Variants in NAV2 observed in about 807,000 individuals in gnomAD.
NAV2 encodes neuron navigator 2.
A neutral mutation model predicts 223.2 loss-of-function variants in NAV2; 54 were observed. The ratio of observed to expected loss-of-function variants is 0.24; its 90% CI spans 0.19 to 0.30. NAV2 has a LOEUF of 0.30. Among genes scored for constraint, NAV2 ranks in the 10% least tolerant of loss-of-function variants. The pLI, the probability that NAV2 is intolerant of heterozygous loss-of-function variation, is 1.00. For missense variants in NAV2, 2,806 were observed against 3,147.5 expected (o/e 0.89, Z 2.60); for synonymous variants, 1,279 against 1,239.3 (o/e 1.03, Z -0.67).
At chr11:19,510,653 T>TCATTGCA (rs1377036188) in intron 1 of NAV2, among the ~76,000 whole-genome samples, 3 of 152,216 alleles carry the variant, frequency 2.0e-5, no homozygotes, top group African/African-American at 7.2e-5. Flanking sequence ...CCGAAGTCCG[T>TCATTGCA]TGGTCATTGC....
intron 6 of NAV2, among the ~76,000 whole-genome samples, chr11:19,921,109 G>A (rs1268599578): frequency 6.6e-6 from 1 of 152,152 alleles, no homozygotes; most frequent in Non-Finnish European, 1.5e-5. Context: ...AGGTGAAAAG[G>A]CCCAGAAATC....
chr11:19,842,787 T>G, intron 2 of NAV2, 84 bp from the exon 3 acceptor site: 1 of 1,281,810 alleles, frequency 7.8e-7, no homozygotes, highest in South Asian at 1.2e-5. Context: ...GCCTTAGGAC[T>G]TGGTTGCCTC....
At position 20,049,099 on chromosome 11, in the gene NAV2, G is replaced by T. The variant is rs1297181679; in HGVS notation, c.4274G>T (p.Ser1425Ile). Reference protein sequence around the residue: ...DISLSSGGVPSHNSSTGLIAS... With the variant: ...DISLSSGGVPIHNSSTGLIAS... ...TCCCTCAGCAGTGGAGGGGTCCCCA[G>T]CCACAATTCTTCCACTGGCCTCATC... is the stretch of plus-strand genomic sequence containing the variant. The change falls in exon 15 of 38, where the codon AGC (serine) becomes ATC (isoleucine). Residue 1425 changes from serine to isoleucine, a missense_variant. Transcript: ENST00000349880. The T allele has an allele frequency of 3.7e-6, 6 of 1,614,016 alleles. 1 individual carries two copies. In the South Asian group the frequency reaches 4.4e-5, roughly 12 times the overall value.
At chr11:20,041,007 A>G (rs2056868191) in intron 12 of NAV2, among the ~76,000 whole-genome samples, 1 of 152,170 alleles carries the variant, frequency 6.6e-6, no homozygotes, top group Non-Finnish European at 1.5e-5. Flanking sequence ...AGAGAAAGTC[A>G]AGCCACATTC....
chr11:19,882,591 C>G (rs1338114712), intron 5 of NAV2, among the ~76,000 whole-genome samples: 1 of 152,170 alleles, frequency 6.6e-6, no homozygotes, highest in Non-Finnish European at 1.5e-5. Context: ...GCTTTGCTAA[C>G]CTGAGGCATC....
At chr11:19,658,041 T>A (rs551493313) in intron 1 of NAV2, among the ~76,000 whole-genome samples, 21 of 152,352 alleles carry the variant, frequency 1.4e-4, no homozygotes, top group African/African-American at 5.1e-4. Flanking sequence ...CACTGTTCTC[T>A]GGACTTTTGT....
chr11:19,618,344 TGATGGATTGCTGGATGGATGGATGGATG>T lies in NAV2; in HGVS notation c.76-214132_76-214105del, dbSNP rs1250883485. Among the ~76,000 whole-genome samples the T allele has an allele frequency of 2.1e-5, 3 of 145,606 alleles. No homozygotes were observed. In the East Asian group the frequency reaches 6.3e-4, roughly 31 times the overall value. ...TGAACAGACGGATGGATGGATTGCT[TGATGGATTGCTGGATGGATGGATGGATG>T]GATGGATGGATGGATGGATGGATGA... On this transcript the variant is annotated intron_variant, in intron 1 of 37. Coordinates refer to the NAV2 transcript ENST00000360655.
chr11:19,615,307 G>T (rs1322476322), intron 1 of NAV2, among the ~76,000 whole-genome samples: 1 of 151,640 alleles, frequency 6.6e-6, no homozygotes, highest in Non-Finnish European at 1.5e-5. Context: ...TTTACTAATG[G>T]TTTGACTTAA....
chr11:19,933,344 ACAGTGC>A lies in NAV2; in HGVS notation c.1103_1108del (p.Ser368_Ala369del). The A allele has an allele frequency of 6.2e-7, 1 of 1,610,578 alleles. No homozygotes were observed. Among genetic ancestry groups the A allele is most frequent in the Non-Finnish European group, 8.5e-7 (1 of 1,178,184 alleles). On this transcript the variant is annotated inframe_deletion, in exon 7 of 38. Coordinates refer to ENST00000349880, the MANE Select transcript of NAV2 (RefSeq NM_145117.5). This position sits in a 1 kb window ranked among gnomAD's most constrained non-coding sequence, Gnocchi z 4.3. The stretch of plus-strand genomic sequence containing the variant: ...CGCAGCAAATCCCTCAGCGTGAAGC[ACAGTGC>A]CACGGTATCCATGCTCTCGGTCAAG...
In NAV2 at chr11:19,879,870, G is replaced by C. The variant is rs373695542; in HGVS notation, c.513G>C (p.Glu171Asp). The C allele has an allele frequency of 3.7e-6, 6 of 1,613,824 alleles. No homozygotes were observed. Among genetic ancestry groups the C allele is most frequent in the African/African-American group, 1.3e-5 (1 of 74,892 alleles). The change falls in exon 5 of 38, where the codon GAG becomes GAC. Residue 171 changes from glutamate (E) to aspartate (D), a missense_variant and splice_region_variant. By Grantham distance (45) the Glu-to-Asp change is conservative. Transcript: ENST00000349880. ...AAGAGTCTCTTTATTGTCTTGCAGA[G>C]ATCAGGAATGGAAACCTCAAGGCCA... ...GINIQGLSAE[E>D]IRNGNLKAIL...
intron 5 of NAV2, among the ~76,000 whole-genome samples, chr11:19,885,217 A>G (rs2063456420): frequency 6.6e-6 from 1 of 152,224 alleles, no homozygotes; most frequent in Admixed American, 6.5e-5. Context: ...CAGATGAGGA[A>G]ACTAAAATTT....
chr11:19,757,730 T>A (rs550992755), intron 1 of NAV2, among the ~76,000 whole-genome samples: 7 of 152,340 alleles, frequency 4.6e-5, no homozygotes, highest in Admixed American at 1.3e-4. Context: ...TGGTATGTGC[T>A]ATACATTGTT....
chr11:19,807,009 G>C (rs1384689727), intron 1 of NAV2, among the ~76,000 whole-genome samples: 4 of 152,208 alleles, frequency 2.6e-5, no homozygotes, highest in Non-Finnish European at 4.4e-5. Flanking sequence ...CCAGGCATCT[G>C]TGTTTCTTAA....
At chr11:20,051,928 C>T (rs541721458) in intron 17 of NAV2, among the ~76,000 whole-genome samples, 1 of 152,190 alleles carries the variant, frequency 6.6e-6, no homozygotes, top group Non-Finnish European at 1.5e-5. Context: ...GAAGGACTGT[C>T]CTTCCATTCC....
chr11:19,633,789 G>T (rs1447945611), intron 1 of NAV2, among the ~76,000 whole-genome samples: 1 of 152,244 alleles, frequency 6.6e-6, no homozygotes, highest in Non-Finnish European at 1.5e-5. Context: ...GCTCCATAAA[G>T]TGCACTGGGA....
chr11:20,087,018 C>T (rs181564900), intron 26 of NAV2, among the ~76,000 whole-genome samples: 148 of 152,184 alleles, frequency 9.7e-4, no homozygotes, highest in Non-Finnish European at 4.7e-4. Context: ...TGAATGAAGA[C>T]GAAGATGATC....
At chr11:19,429,361 C>G (rs1374386664) in intron 1 of NAV2, among the ~76,000 whole-genome samples, 1 of 152,230 alleles carries the variant, frequency 6.6e-6, no homozygotes, top group Non-Finnish European at 1.5e-5. Context: ...TAAAGCCTCA[C>G]TGGGCTATTA....
intron 1 of NAV2, among the ~76,000 whole-genome samples, chr11:19,459,680 T>C (rs536423216): frequency 6.6e-6 from 1 of 152,224 alleles, no homozygotes; most frequent in African/African-American, 2.4e-5. Flanking sequence ...ATGATGGTTG[T>C]GTGGAGGTGA....
At chr11:19,863,383 T>A (rs578239201) in intron 3 of NAV2, among the ~76,000 whole-genome samples, 12 of 152,360 alleles carry the variant, frequency 7.9e-5, no homozygotes, top group African/African-American at 2.9e-4. Context: ...TATTGCATCC[T>A]GTATGGAGTC....
Sources: allele counts gnomAD v4.1 joint callset (sites outside exome capture counted in the v4.1 genomes callset), GRCh38; gene constraint gnomAD v4.1.1; non-coding constraint Gnocchi (gnomAD v3.1); transcripts MANE v1.5; gene names NCBI Gene and HGNC (gene_info 2026-07-23, HGNC 2026-07-21).